GALNT18: variants seen among roughly 807,000 people sequenced by gnomAD.
GALNT18 encodes the protein GalNAc-transferase 18.
GALNT18 carries 44 observed loss-of-function variants against 69.5 expected under a neutral mutation model. That is an observed-to-expected ratio of 0.63 (90% CI 0.50 to 0.81). GALNT18 has a LOEUF of 0.81. Ranked by LOEUF, GALNT18 falls within the 40% of genes least tolerant of loss-of-function variation. The pLI is 0.00. For missense variants in GALNT18, 715 were observed against 810.0 expected (o/e 0.88, Z 1.42); for synonymous variants, 364 against 318.2 (o/e 1.14, Z -1.53).
At chr11:11,276,887 T>TTG (rs1848961760) in intron 10 of GALNT18, among the ~76,000 whole-genome samples, 1 of 152,196 alleles carries the variant, frequency 6.6e-6, no homozygotes, top group African/African-American at 2.4e-5. Flanking sequence ...GATAAGCTTT[T>TTG]TGATGTGCTG....
chr11:11,334,126 TG>T (rs1850067855), intron 7 of GALNT18, among the ~76,000 whole-genome samples: 1 of 152,138 alleles, frequency 6.6e-6, no homozygotes, highest in African/African-American at 2.4e-5. Context: ...CTCCAGGGAT[TG>T]AGTTACTGAG....
intron 1 of GALNT18, among the ~76,000 whole-genome samples, chr11:11,526,812 A>C (rs1857537075): frequency 6.6e-6 from 1 of 152,196 alleles, no homozygotes; most frequent in Admixed American, 6.5e-5. Context: ...AATAAGTCAC[A>C]TGGCCAAGTG....
chr11:11,299,774 G>A (rs796483607), intron 9 of GALNT18, among the ~76,000 whole-genome samples: 4 of 152,322 alleles, frequency 2.6e-5, no homozygotes, highest in Non-Finnish European at 4.4e-5. Context: ...CTATAAACAC[G>A]CATGTGCCAG....
intron 5 of GALNT18, among the ~76,000 whole-genome samples, chr11:11,375,747 G>A (rs1853734474): frequency 6.6e-6 from 1 of 152,108 alleles, no homozygotes; most frequent in Admixed American, 6.6e-5. Flanking sequence ...AAAGACCCTT[G>A]TACATAGCAG....
rs149576487 is a variant in GALNT18, at chr11:11,605,105, C to T, written c.235+16254G>A. 2.8e-4 allele frequency among the ~76,000 whole-genome samples: 42 copies of T among 152,248 alleles called. No individual in the cohort carries two copies. The highest frequency in any genetic ancestry group is 9.1e-4 in the African/African-American group (38 of 41,532). ...GAAAAATCATAGTTGTCTGAGGCTC[C>T]GGCTAATGGGCTGTGCTGTCCCGAC... is the stretch of plus-strand genomic sequence containing the variant. On this transcript the variant is annotated intron_variant, in intron 1 of 10. Coordinates refer to ENST00000227756, the MANE Select transcript of GALNT18 (RefSeq NM_198516.3). The surrounding 1 kb of genome is among the most constrained non-coding windows in gnomAD (Gnocchi z 4.7).
At chr11:11,334,006 A>G (rs1362440499) in intron 7 of GALNT18, among the ~76,000 whole-genome samples, 1 of 152,024 alleles carries the variant, frequency 6.6e-6, no homozygotes, top group Non-Finnish European at 1.5e-5. Context: ...GGCATGTGGC[A>G]TCCCATAAGA....
chr11:11,419,596 C>CA (rs58012512), intron 3 of GALNT18, among the ~76,000 whole-genome samples: 1,762 of 26,544 alleles, frequency 0.066, 138 homozygotes, highest in Non-Finnish European at 0.12. Context: ...GATCCTGTCT[C>CA]AAAAAAAAAA....
chr11:11,577,167 G>A (rs56298274), intron 1 of GALNT18, among the ~76,000 whole-genome samples: 42,288 of 152,088 alleles, frequency 0.28, 6,290 homozygotes, highest in South Asian at 0.34. Flanking sequence ...TAACGTATGT[G>A]CTGCATTCAG....
chr11:11,536,816 T>C (rs1049099449), intron 1 of GALNT18, among the ~76,000 whole-genome samples: 3 of 152,268 alleles, frequency 2.0e-5, no homozygotes, highest in African/African-American at 4.8e-5. Context: ...TGTGCATTCC[T>C]GCTTTGCAAA....
chr11:11,417,301 T>C (rs1275896514), intron 3 of GALNT18, among the ~76,000 whole-genome samples: 1 of 152,224 alleles, frequency 6.6e-6, no homozygotes, highest in African/African-American at 2.4e-5. Context: ...GAGTGGCTAA[T>C]TCAGCCTATC....
intron 2 of GALNT18, 33 bp downstream of exon 2, chr11:11,448,711 G>T (rs370241748): frequency 1.9e-6 from 3 of 1,577,526 alleles, no homozygotes; most frequent in African/African-American, 1.3e-5. Flanking sequence ...CCATAGGCAG[G>T]TCGACAAGGG....
Position 11,320,265 on chromosome 11 carries a change from C to T in GALNT18, c.1512+6821G>A, listed in dbSNP as rs1849821329. ...TTTTCATAGAAGAGGTCAGAAATACCGTTACCCTGGCTTGGTCTATATTCC... is the reference window on the plus strand; with the variant it reads ...TTTTCATAGAAGAGGTCAGAAATACTGTTACCCTGGCTTGGTCTATATTCC... On this transcript the variant is annotated intron_variant, in intron 9 of 10. Coordinates refer to ENST00000227756, the MANE Select transcript of GALNT18 (RefSeq NM_198516.3). This position sits in a 1 kb window ranked among gnomAD's most constrained non-coding sequence, Gnocchi z 4.9. Among the ~76,000 whole-genome samples, 1 of 152,148 alleles carries T rather than the reference C, an allele frequency of 6.6e-6. No individual in the cohort carries two copies. The highest frequency in any genetic ancestry group is 6.5e-5 in the Admixed American group (1 of 15,278).
chr11:11,275,502 G>T (rs554979282), intron 10 of GALNT18, among the ~76,000 whole-genome samples: 1 of 152,094 alleles, frequency 6.6e-6, no homozygotes, highest in Admixed American at 6.6e-5. Flanking sequence ...TCACTCTGAT[G>T]ATTTCTCTTG....
At chr11:11,352,703 C>A (rs1850439453) in intron 6 of GALNT18, 1 of 1,614,142 alleles carries the variant, frequency 6.2e-7, no homozygotes, top group Non-Finnish European at 8.5e-7. Flanking sequence ...CCTTCAGAAT[C>A]TCATACATGT....
intron 1 of GALNT18, among the ~76,000 whole-genome samples, chr11:11,530,589 G>A (rs899516981): frequency 6.6e-6 from 1 of 152,176 alleles, no homozygotes; most frequent in Non-Finnish European, 1.5e-5. Flanking sequence ...GGAAAGGCAG[G>A]CAAAAGACTA....
chr11:11,583,627 A>C lies in GALNT18; in HGVS notation c.235+37732T>G, dbSNP rs541823109. ...CAAATGTAGGACATCCAAAGACCAG[A>C]GGTCCCATGAGACGCCACTTCTTCA... is the stretch of plus-strand genomic sequence containing the variant. On this transcript the variant is annotated intron_variant, in intron 1 of 10. Transcript: ENST00000227756. The surrounding 1 kb of genome is among the most constrained non-coding windows in gnomAD (Gnocchi z 4.7). Among the ~76,000 whole-genome samples the C allele has an allele frequency of 1.3e-5, 2 of 152,312 alleles. No homozygotes were observed. Among genetic ancestry groups the C allele is most frequent in the African/African-American group, 4.8e-5 (2 of 41,558 alleles).
chr11:11,596,220 G>C lies in GALNT18; in HGVS notation c.235+25139C>G, dbSNP rs6485024. 0.024 allele frequency among the ~76,000 whole-genome samples: 3,641 copies of C among 152,262 alleles called. 162 individuals are homozygous for C. Among genetic ancestry groups the C allele is most frequent in the African/African-American group, 0.083 (3,466 of 41,542 alleles). On this transcript the variant is annotated intron_variant, in intron 1 of 10. Transcript: ENST00000227756. This position sits in a 1 kb window ranked among gnomAD's most constrained non-coding sequence, Gnocchi z 4.2. ...AAATTTAAGCACTTAATTCTGGACT[G>C]TCAATTCTATTCTGTTGATCAGTGT...
At chr11:11,317,301 C>A (rs1318382272) in intron 9 of GALNT18, among the ~76,000 whole-genome samples, 3 of 152,186 alleles carry the variant, frequency 2.0e-5, no homozygotes, top group African/African-American at 7.2e-5. Context: ...AAGGTTTAAA[C>A]ACAGATGTGA....
intron 10 of GALNT18, among the ~76,000 whole-genome samples, chr11:11,285,551 CA>C (rs925085469): frequency 6.6e-6 from 1 of 152,100 alleles, no homozygotes; most frequent in Non-Finnish European, 1.5e-5. Flanking sequence ...TTCCATAAAC[CA>C]AAAATAACTA....
Sources: allele counts gnomAD v4.1 joint callset (sites outside exome capture counted in the v4.1 genomes callset), GRCh38; gene constraint gnomAD v4.1.1; non-coding constraint Gnocchi (gnomAD v3.1); transcripts MANE v1.5; gene names NCBI Gene and HGNC (gene_info 2026-07-23, HGNC 2026-07-21).